PPP2R3A: variants seen among roughly 807,000 people sequenced by gnomAD.
The protein encoded by PPP2R3A is protein phosphatase 2 regulatory subunit B''alpha.
In PPP2R3A, 80 loss-of-function variants were observed where a neutral mutation model predicts 106.9. The observed-to-expected ratio is 0.75, with a 90% CI of 0.62 to 0.90. PPP2R3A has a LOEUF of 0.90. Among genes scored for constraint, PPP2R3A ranks in the 40% least tolerant of loss-of-function variants. The pLI is 0.00. For synonymous variants in PPP2R3A, 483 were observed against 468.3 expected (o/e 1.03, Z -0.41); for missense variants, 1,386 against 1,350.4 (o/e 1.03, Z -0.41).
intron 13 of PPP2R3A, among the ~76,000 whole-genome samples, chr3:136,121,199 T>C (rs564188557): frequency 6.6e-6 from 1 of 152,128 alleles, no homozygotes; most frequent in Non-Finnish European, 1.5e-5. Flanking sequence ...AGTGGTGGAC[T>C]GAATAAAGAA....
intron 13 of PPP2R3A, among the ~76,000 whole-genome samples, chr3:136,142,998 C>T (rs1187862810): frequency 6.6e-6 from 1 of 152,166 alleles, no homozygotes; most frequent in African/African-American, 2.4e-5. Context: ...CTATTGCCTC[C>T]TTATCCAGCA....
Position 136,002,066 on chromosome 3 carries a change from A to G in PPP2R3A, c.568A>G (p.Arg190Gly). 4.3e-6 allele frequency: 7 copies of G among 1,614,070 alleles called. No individual in the cohort carries two copies. Among genetic ancestry groups the G allele is most frequent in the African/African-American group, 1.3e-5 (1 of 75,046 alleles). The part of the protein sequence containing the change: ...SSVEEKPLSH[R>G]NSLDTNLTSM... Reference sequence around the variant, plus strand: ...AGTTGAGGAAAAACCTTTGTCTCATAGAAACTCACTGGATACGAACCTGAC... The same window carrying G: ...AGTTGAGGAAAAACCTTTGTCTCATGGAAACTCACTGGATACGAACCTGAC... The change falls in exon 2 of 14, where the codon AGA becomes GGA. Residue 190 changes from arginine (R) to glycine (G), a missense_variant. By Grantham distance (125) the Arg-to-Gly change is moderately radical. Transcript: ENST00000264977.
chr3:136,055,705 G>A (rs1935838023), intron 5 of PPP2R3A: 6 of 782,246 alleles, frequency 7.7e-6, no homozygotes, highest in Non-Finnish European at 1.3e-5. Flanking sequence ...TAAGACTCTG[G>A]AGCAACTTAG....
intron 4 of PPP2R3A, among the ~76,000 whole-genome samples, chr3:136,044,832 G>T (rs1559886365): frequency 6.6e-6 from 1 of 152,166 alleles, no homozygotes; most frequent in African/African-American, 2.4e-5. Flanking sequence ...TGCAGAGCAG[G>T]CCACTGTCAC....
chr3:136,130,828 C>G (rs905900091), intron 13 of PPP2R3A, among the ~76,000 whole-genome samples: 1 of 151,636 alleles, frequency 6.6e-6, no homozygotes, highest in Non-Finnish European at 1.5e-5. Context: ...ACCAATGAAA[C>G]AACAGAGTCC....
rs377308767 is a variant in PPP2R3A, at chr3:136,082,407, G to A, written c.2774G>A (p.Arg925Gln). ...TACATCAGCCAGGCCGATCTGTCTCGATACAATGACCAGGGTAAGTGATTC... is the reference window on the plus strand; with the variant it reads ...TACATCAGCCAGGCCGATCTGTCTCAATACAATGACCAGGGTAAGTGATTC... ...DLYISQADLS[R>Q]YNDQASSSRI... Residue 925 changes from arginine (R) to glutamine (Q), a missense_variant, in exon 8 of 14, where the codon CGA becomes CAA. Transcript: ENST00000264977. 40 of 1,613,518 alleles carry A rather than the reference G, an allele frequency of 2.5e-5. No individual in the cohort carries two copies. The highest frequency in any genetic ancestry group is 5.3e-5 in the African/African-American group (4 of 74,864).
chr3:135,983,257 C>T (rs1937562644), intron 1 of PPP2R3A, among the ~76,000 whole-genome samples: 1 of 152,292 alleles, frequency 6.6e-6, no homozygotes, highest in Admixed American at 6.5e-5. Context: ...GTGTGCTTCA[C>T]AGAATCTGAC....
intron 13 of PPP2R3A, among the ~76,000 whole-genome samples, chr3:136,113,523 T>C (rs1170427091): frequency 6.6e-6 from 1 of 152,176 alleles, no homozygotes; most frequent in Non-Finnish European, 1.5e-5. Context: ...CCATGGTGAC[T>C]CATGCTTGTA....
chr3:136,128,135 A>G (rs1938255023), intron 13 of PPP2R3A, among the ~76,000 whole-genome samples: 1 of 152,132 alleles, frequency 6.6e-6, no homozygotes, highest in African/African-American at 2.4e-5. Flanking sequence ...TGAACATCAT[A>G]ATGACAGGAT....
At chr3:136,046,663 G>C (rs1296040397) in intron 4 of PPP2R3A, among the ~76,000 whole-genome samples, 1 of 152,162 alleles carries the variant, frequency 6.6e-6, no homozygotes, top group African/African-American at 2.4e-5. Context: ...AGATGAGAAG[G>C]AACCAGCACA....
At chr3:136,119,386 A>G (rs1937904989) in intron 13 of PPP2R3A, among the ~76,000 whole-genome samples, 1 of 152,234 alleles carries the variant, frequency 6.6e-6, no homozygotes, top group African/African-American at 2.4e-5. Flanking sequence ...TAATTAAACT[A>G]AAGAGTTTCT....
At chr3:136,030,089 G>A (rs992414526) in intron 3 of PPP2R3A, among the ~76,000 whole-genome samples, 24 of 152,038 alleles carry the variant, frequency 1.6e-4, no homozygotes, top group African/African-American at 4.8e-4. Flanking sequence ...GTAGTGACAT[G>A]TGCCTGTGGT....
chr3:136,007,658 G>T (rs971413793), intron 2 of PPP2R3A, among the ~76,000 whole-genome samples: 2 of 152,110 alleles, frequency 1.3e-5, no homozygotes, highest in Non-Finnish European at 2.9e-5. Flanking sequence ...GTGCTTTCTC[G>T]ATCACCATTG....
intron 13 of PPP2R3A, among the ~76,000 whole-genome samples, chr3:136,142,686 A>T (rs1938924208): frequency 6.6e-6 from 1 of 152,156 alleles, no homozygotes; most frequent in Non-Finnish European, 1.5e-5. Flanking sequence ...CTGTGAGGAG[A>T]GGGCTGATTC....
chr3:136,128,211 A>G (rs537717196), intron 13 of PPP2R3A, among the ~76,000 whole-genome samples: 1 of 152,320 alleles, frequency 6.6e-6, no homozygotes, highest in Non-Finnish European at 1.5e-5. Context: ...TAAAAGACAC[A>G]GACTGGCAAA....
At chr3:136,093,408 C>CA (rs1030561660) in intron 10 of PPP2R3A, among the ~76,000 whole-genome samples, 4 of 150,240 alleles carry the variant, frequency 2.7e-5, no homozygotes, top group South Asian at 4.2e-4. Flanking sequence ...GACCTCATCT[C>CA]AAAAAAAAGA....
At chr3:136,114,842 A>G (rs1937680257) in intron 13 of PPP2R3A, among the ~76,000 whole-genome samples, 1 of 152,148 alleles carries the variant, frequency 6.6e-6, no homozygotes, top group Non-Finnish European at 1.5e-5. Flanking sequence ...GGAAGGGGCA[A>G]CTGTGGGCGC....
chr3:136,115,770 T>C (rs1219692706), intron 13 of PPP2R3A, among the ~76,000 whole-genome samples: 1 of 152,026 alleles, frequency 6.6e-6, no homozygotes, highest in African/African-American at 2.4e-5. Flanking sequence ...CTACGTTTGA[T>C]TGGTGAACCT....
intron 8 of PPP2R3A, 43 bp from the exon 9 acceptor site, chr3:136,087,840 T>C: frequency 6.7e-7 from 1 of 1,501,908 alleles, no homozygotes; most frequent in East Asian, 2.3e-5. Context: ...TTATGGAGCA[T>C]GTTTCTAACT....
Sources: gnomAD v4.1 joint callset for allele counts (sites outside exome capture counted in the v4.1 genomes callset) on GRCh38, gnomAD v4.1.1 for gene constraint, MANE v1.5 for transcripts, NCBI Gene and HGNC (gene_info 2026-07-23, HGNC 2026-07-21) for gene names.